Variants in LRP6 observed in about 807,000 individuals in gnomAD.
LRP6 encodes the protein LDL receptor related protein 6, also known as low-density lipoprotein receptor-related protein 6.
LRP6 carries 43 observed loss-of-function variants against 184.1 expected under a neutral mutation model. The ratio of observed to expected loss-of-function variants is 0.23; its 90% CI spans 0.18 to 0.30. The LOEUF (loss-of-function observed/expected upper bound fraction) is 0.30, where lower values mean the gene tolerates loss of function less well. LRP6 is among the 10% of genes least tolerant of loss of function. LRP6 has a pLI of 1.00. For synonymous variants in LRP6, 719 were observed against 684.9 expected (o/e 1.05, Z -0.78); for missense variants, 1,571 against 2,005.3 (o/e 0.78, Z 4.14).
At chr12:12,257,198 A>C (rs988736437) in intron 1 of LRP6, among the ~76,000 whole-genome samples, 1 of 152,220 alleles carries the variant, frequency 6.6e-6, no homozygotes, top group African/African-American at 2.4e-5. Context: ...CAACCCTGTG[A>C]GTATACTAAA....
chr12:12,204,615 T>C (rs1864004435), intron 2 of LRP6, among the ~76,000 whole-genome samples: 1 of 152,096 alleles, frequency 6.6e-6, no homozygotes. Flanking sequence ...GAAATTTTTC[T>C]TTGATGTAAA....
intron 2 of LRP6, among the ~76,000 whole-genome samples, chr12:12,239,582 A>C (rs1699673495): frequency 6.6e-6 from 1 of 152,174 alleles, no homozygotes; most frequent in African/African-American, 2.4e-5. Flanking sequence ...ATTTCTGAAG[A>C]GTCATCAACT....
chr12:12,201,283 T>A (rs1017383641), intron 3 of LRP6, among the ~76,000 whole-genome samples: 1 of 152,202 alleles, frequency 6.6e-6, no homozygotes, highest in Non-Finnish European at 1.5e-5. Context: ...TGCTCTGTCC[T>A]GGATGAGCAC....
chr12:12,229,390 AG>A (rs66792128), intron 2 of LRP6, among the ~76,000 whole-genome samples: 39,975 of 103,868 alleles, frequency 0.38, 7,355 homozygotes, highest in East Asian at 0.66. Context: ...AAAAAAAAGA[AG>A]AAGAAGAAGA....
At chr12:12,237,605 T>C (rs564896531) in intron 2 of LRP6, among the ~76,000 whole-genome samples, 1 of 152,334 alleles carries the variant, frequency 6.6e-6, no homozygotes, top group East Asian at 1.9e-4. Flanking sequence ...ATCCACATAA[T>C]GTGCCTGCTG....
Position 12,267,038 on chromosome 12 carries a change from G to A in LRP6, c.-303C>T, listed in dbSNP as rs1265459952. ...AGCCTCTGCCTCGCGCAGCGGCGCA[G>A]GGATACGGTCGGCACCGCCTCCTAG... On this transcript the variant is annotated 5_prime_UTR_variant, in exon 1 of 23. Transcript: ENST00000261349. The A allele has an allele frequency of 2.2e-6, 1 of 446,544 alleles. No individual in the cohort carries two copies. Among genetic ancestry groups the A allele is most frequent in the Admixed American group, 4.6e-5 (1 of 21,950 alleles). The allele number at this position is 446,544 out of a possible 1,614,324, so 27.7% of individuals were successfully genotyped here.
intron 15 of LRP6, among the ~76,000 whole-genome samples, chr12:12,141,878 A>G (rs574040638): frequency 6.6e-6 from 1 of 152,210 alleles, no homozygotes; most frequent in Non-Finnish European, 1.5e-5. Context: ...TTATGGCACT[A>G]GTCACAGGTG....
At position 12,121,375 on chromosome 12, in the gene LRP6, G is replaced by C. The variant is rs772094915; in HGVS notation, c.4593C>G (p.Pro1531=). The C allele has an allele frequency of 1.2e-6, 2 of 1,614,042 alleles. No individual in the cohort carries two copies. The highest frequency in any genetic ancestry group is 1.7e-6 in the Non-Finnish European group (2 of 1,180,034). ...CACTGTCACAAACATCTGTGCTGCAGGGTGTGGTGGGGGGTGCAAAGTGCC... is the reference window on the plus strand; with the variant it reads ...CACTGTCACAAACATCTGTGCTGCACGGTGTGGTGGGGGGTGCAAAGTGCC... ...SYRHFAPPTT[P]CSTDVCDSDY... is the part of the protein sequence containing the mutation. The change falls in exon 23 of 23, where the codon CCC becomes CCG. Residue 1531 remains proline, a synonymous_variant. Coordinates refer to ENST00000261349, the MANE Select transcript of LRP6 (RefSeq NM_002336.3).
At chr12:12,266,354 G>A (rs1865760000) in intron 1 of LRP6, among the ~76,000 whole-genome samples, 1 of 152,122 alleles carries the variant, frequency 6.6e-6, no homozygotes, top group East Asian at 1.9e-4. Context: ...CCTTTTCCCT[G>A]GAAGACCCCA....
At position 12,147,564 on chromosome 12, in the gene LRP6, G is replaced by A; in HGVS notation, c.3207-8C>T. 6.2e-7 allele frequency: 1 copy of A among 1,608,172 alleles called. No individual in the cohort carries two copies. Among genetic ancestry groups the A allele is most frequent in the Admixed American group, 1.7e-5 (1 of 59,706 alleles). ...TTGGTAAAATACATATACCTAGAGG[G>A]AAAGGAGGAAAAAAATAAGTTACTG... On this transcript the variant is annotated splice_polypyrimidine_tract_variant and splice_region_variant and intron_variant, in intron 14 of 22. Coordinates refer to ENST00000261349, the MANE Select transcript of LRP6 (RefSeq NM_002336.3).
chr12:12,152,029 C>G (rs1950088470), intron 12 of LRP6, among the ~76,000 whole-genome samples: 1 of 151,930 alleles, frequency 6.6e-6, no homozygotes, highest in Non-Finnish European at 1.5e-5. Flanking sequence ...GTGTCCCCAC[C>G]CAAATCTCAA....
chr12:12,197,900 C>G (rs2137029497), intron 3 of LRP6, among the ~76,000 whole-genome samples: 1 of 152,262 alleles, frequency 6.6e-6, no homozygotes, highest in South Asian at 2.1e-4. Flanking sequence ...AAAAATTAGT[C>G]AGGTGTGGTG....
chr12:12,220,747 C>T (rs1181335), intron 2 of LRP6, among the ~76,000 whole-genome samples: 332 of 151,962 alleles, frequency 2.2e-3, no homozygotes, highest in Middle Eastern at 6.8e-3. Context: ...CATAGGAGTG[C>T]GCCACCACAC....
At chr12:12,262,512 C>A (rs1047053126) in intron 1 of LRP6, among the ~76,000 whole-genome samples, 1 of 150,780 alleles carries the variant, frequency 6.6e-6, no homozygotes, top group Admixed American at 6.6e-5. Flanking sequence ...GAGCCAAGAT[C>A]GCGGCACTGC....
intron 20 of LRP6, among the ~76,000 whole-genome samples, chr12:12,125,900 G>GA (rs1388502698): frequency 1.3e-5 from 2 of 152,092 alleles, no homozygotes; most frequent in Non-Finnish European, 1.5e-5. Context: ...CAGTGCTAAA[G>GA]AAAAAATTCT....
In LRP6 at chr12:12,132,070, AAGG is replaced by A. The variant is rs779564934; in HGVS notation, c.3734-16_3734-14del. On this transcript the variant is annotated splice_polypyrimidine_tract_variant and intron_variant, in intron 17 of 22. Coordinates refer to ENST00000261349, the MANE Select transcript of LRP6 (RefSeq NM_002336.3). ...CATGTTGGAGGTTCTTCAAATGAAC[AAGG>A]AGAAGGGGAGTGACAAAAACACAAT... 8.3e-6 allele frequency: 13 copies of A among 1,573,250 alleles called. No homozygotes were observed. The highest frequency in any genetic ancestry group is 3.3e-5 in the Admixed American group (2 of 59,982).
At chr12:12,241,495 T>A (rs755224482) in intron 2 of LRP6, among the ~76,000 whole-genome samples, 2 of 152,210 alleles carry the variant, frequency 1.3e-5, no homozygotes, top group Non-Finnish European at 2.9e-5. Flanking sequence ...TGTACATATA[T>A]CAAATGTATA....
intron 1 of LRP6, among the ~76,000 whole-genome samples, chr12:12,265,393 A>C (rs1443055684): frequency 6.6e-6 from 1 of 152,212 alleles, no homozygotes; most frequent in East Asian, 1.9e-4. Context: ...GTAACTGAAG[A>C]AAGTATTTCT....
chr12:12,159,741 A>G, intron 11 of LRP6, 39 bp downstream of exon 11: 5 of 1,591,584 alleles, frequency 3.1e-6, no homozygotes, highest in Non-Finnish European at 4.3e-6. Context: ...ATTTGCATGG[A>G]AAGAATATAC....
Sources: gnomAD v4.1 joint callset for allele counts (sites outside exome capture counted in the v4.1 genomes callset) on GRCh38, gnomAD v4.1.1 for gene constraint, MANE v1.5 for transcripts, NCBI Gene and HGNC (gene_info 2026-07-23, HGNC 2026-07-21) for gene names.